The following GRID1 variants were observed in gnomAD, a reference collection of about 807,000 sequenced individuals.
The protein encoded by GRID1 is glutamate ionotropic receptor delta type subunit 1.
Under a neutral mutation model 98.0 loss-of-function variants are expected in GRID1, and 28 were observed. The observed-to-expected ratio is 0.29, with a 90% CI of 0.21 to 0.39. GRID1 has a LOEUF of 0.39. Among genes scored for constraint, GRID1 ranks in the 10% least tolerant of loss-of-function variants. The pLI, the probability that GRID1 is intolerant of heterozygous loss-of-function variation, is 1.00. For missense variants in GRID1, 1,111 were observed against 1,340.5 expected (o/e 0.83, Z 2.67); for synonymous variants, 553 against 538.5 (o/e 1.03, Z -0.37).
intron 2 of GRID1, among the ~76,000 whole-genome samples, chr10:86,247,560 G>A (rs1216534078): frequency 6.6e-6 from 1 of 152,216 alleles, no homozygotes; most frequent in African/African-American, 2.4e-5. Context: ...GTGAAAGTTT[G>A]GCTAAGCAGT....
intron 2 of GRID1, among the ~76,000 whole-genome samples, chr10:86,245,760 T>A (rs1409528217): frequency 1.3e-5 from 2 of 152,154 alleles, no homozygotes; most frequent in Admixed American, 1.3e-4. Context: ...CCATGAGAAG[T>A]TTGGGCAGAA....
intron 4 of GRID1, among the ~76,000 whole-genome samples, chr10:86,018,428 G>C (rs1384961285): frequency 6.6e-6 from 1 of 152,242 alleles, no homozygotes; most frequent in Non-Finnish European, 1.5e-5. Context: ...AATGCTACAA[G>C]ACAGACGGCA....
chr10:86,266,732 A>T (rs1847110219), intron 2 of GRID1, among the ~76,000 whole-genome samples: 1 of 152,262 alleles, frequency 6.6e-6, no homozygotes, highest in African/African-American at 2.4e-5. Context: ...CAATTGCAGC[A>T]GCTTTCACAG....
intron 8 of GRID1, among the ~76,000 whole-genome samples, chr10:85,800,352 CA>C (rs1196101276): frequency 6.6e-6 from 1 of 151,982 alleles, no homozygotes; most frequent in Non-Finnish European, 1.5e-5. Flanking sequence ...AACTGGATTA[CA>C]TACTAAACAA....
intron 4 of GRID1, among the ~76,000 whole-genome samples, chr10:85,992,769 G>T (rs1842697148): frequency 6.6e-6 from 1 of 151,908 alleles, no homozygotes; most frequent in Non-Finnish European, 1.5e-5. Flanking sequence ...AGGTAACATA[G>T]TGAGACCCTG....
chr10:86,034,555 T>G (rs978370014), intron 4 of GRID1, among the ~76,000 whole-genome samples: 2 of 152,074 alleles, frequency 1.3e-5, no homozygotes, highest in East Asian at 3.8e-4. Context: ...CATTTCTGAC[T>G]AGTTCCAAAG....
chr10:85,867,802 G>A lies in GRID1; in HGVS notation c.951+1208C>T, dbSNP rs750735942. 9.2e-5 allele frequency among the ~76,000 whole-genome samples: 14 copies of A among 152,364 alleles called. 1 individual carries two copies. In the South Asian group the frequency reaches 1.7e-3, roughly 18 times the overall value. On this transcript the variant is annotated intron_variant, in intron 6 of 15. Transcript: ENST00000327946. ...CCTGGAGCACAGACACTAGTGGAAT[G>A]GGGATTATTCCAGCTAAAATCAATG...
chr10:86,310,326 C>T (rs1847815393), intron 2 of GRID1, among the ~76,000 whole-genome samples: 2 of 149,928 alleles, frequency 1.3e-5, no homozygotes, highest in African/African-American at 4.8e-5. Flanking sequence ...CCTCAAGGGG[C>T]TGCTCAGGAC....
chr10:85,870,714 A>C (rs1843270441), intron 5 of GRID1, among the ~76,000 whole-genome samples: 1 of 152,080 alleles, frequency 6.6e-6, no homozygotes, highest in South Asian at 2.1e-4. Flanking sequence ...GGAGTGTGAA[A>C]TGCTAAAGCC....
chr10:86,103,583 G>A (rs74148924), intron 4 of GRID1, among the ~76,000 whole-genome samples: 6,182 of 152,312 alleles, frequency 0.041, 387 homozygotes, highest in African/African-American at 0.14. Flanking sequence ...GACAGGCCCC[G>A]GAGGAAGAGG....
At chr10:85,913,520 T>C (rs527932638) in intron 5 of GRID1, among the ~76,000 whole-genome samples, 2 of 152,222 alleles carry the variant, frequency 1.3e-5, no homozygotes, top group Non-Finnish European at 2.9e-5. Flanking sequence ...CTGGGCATGG[T>C]GGCTCACGCC....
intron 2 of GRID1, among the ~76,000 whole-genome samples, chr10:86,333,392 T>C (rs1396651917): frequency 3.3e-5 from 5 of 152,282 alleles, no homozygotes; most frequent in Non-Finnish European, 5.9e-5. Context: ...TTTGTTTCCA[T>C]ATCTATACTT....
chr10:85,823,949 T>C (rs1342388236), intron 8 of GRID1, among the ~76,000 whole-genome samples: 1 of 152,082 alleles, frequency 6.6e-6, no homozygotes, highest in Admixed American at 6.6e-5. Flanking sequence ...CCAATAAACC[T>C]GCATTGAAAG....
intron 2 of GRID1, among the ~76,000 whole-genome samples, chr10:86,266,856 G>A (rs1367088420): frequency 1.3e-5 from 2 of 152,164 alleles, no homozygotes; most frequent in East Asian, 3.9e-4. Flanking sequence ...ATAGGATTGG[G>A]TAGTGGGACT....
intron 4 of GRID1, among the ~76,000 whole-genome samples, chr10:86,103,965 A>G (rs994386831): frequency 6.6e-6 from 1 of 151,888 alleles, no homozygotes; most frequent in East Asian, 1.9e-4. Flanking sequence ...CCTCAGGAGG[A>G]CAGCTCCCCC....
chr10:86,222,796 C>T (rs148430775), intron 2 of GRID1, among the ~76,000 whole-genome samples: 3 of 152,242 alleles, frequency 2.0e-5, no homozygotes, highest in Non-Finnish European at 4.4e-5. Flanking sequence ...TTCCCTGGAG[C>T]CCAGCTGAAG....
intron 8 of GRID1, among the ~76,000 whole-genome samples, chr10:85,785,454 G>A (rs1842419585): frequency 1.3e-5 from 2 of 152,192 alleles, no homozygotes; most frequent in South Asian, 4.1e-4. Context: ...GGACTAGGAA[G>A]GGGCTTCCCT....
chr10:85,871,622 TA>T (rs901579962), intron 5 of GRID1, among the ~76,000 whole-genome samples: 1 of 152,202 alleles, frequency 6.6e-6, no homozygotes, highest in Non-Finnish European at 1.5e-5. Context: ...AATATGATGG[TA>T]AAAAGGAAGC....
At chr10:85,984,465 G>A (rs1041002979) in intron 4 of GRID1, among the ~76,000 whole-genome samples, 4 of 152,146 alleles carry the variant, frequency 2.6e-5, no homozygotes, top group Non-Finnish European at 4.4e-5. Context: ...AGGTCTGGGC[G>A]GGAGAGCCTT....
Sources: gnomAD v4.1 joint callset for allele counts (sites outside exome capture counted in the v4.1 genomes callset) on GRCh38, gnomAD v4.1.1 for gene constraint, MANE v1.5 for transcripts, NCBI Gene and HGNC (gene_info 2026-07-23, HGNC 2026-07-21) for gene names.